Variants in PTGIS observed in about 807,000 individuals in gnomAD.
The protein encoded by PTGIS is prostaglandin I2 synthase, also known as prostacyclin synthase.
In PTGIS, 45 loss-of-function variants were observed where a neutral mutation model predicts 50.3. The ratio of observed to expected loss-of-function variants is 0.90; its 90% CI spans 0.70 to 1.15. The LOEUF is 1.15. PTGIS is among the 50% of genes most tolerant of loss of function. The pLI, the probability that PTGIS is intolerant of heterozygous loss-of-function variation, is 0.00. For missense variants in PTGIS, 668 were observed against 661.3 expected (o/e 1.01, Z -0.11); for synonymous variants, 260 against 267.7 (o/e 0.97, Z 0.28).
In PTGIS at chr20:49,513,066, C is replaced by T. The variant is rs756747105; in HGVS notation, c.1206+14G>A. 1.1e-5 allele frequency: 17 copies of T among 1,614,112 alleles called. No homozygotes were observed. In the South Asian group the frequency reaches 1.8e-4, roughly 17 times the overall value. On this transcript the variant is annotated intron_variant, in intron 8 of 9. Transcript: ENST00000244043. Reference sequence around the variant, plus strand: ...CCCACAGACCCCATATGACCAGGCGCCCCTGCCATTTACCTCTGGGTCTGT... The same window carrying T: ...CCCACAGACCCCATATGACCAGGCGTCCCTGCCATTTACCTCTGGGTCTGT...
At position 49,511,048 on chromosome 20, in the gene PTGIS, A is replaced by G. The variant is rs1304081728; in HGVS notation, c.1338T>C (p.Tyr446=). ...CTCACTGTTTGATGCTGTTGACCGC[A>G]TAACTCCTCCCCAGGCAGTGATTGT... ...AGHNHCLGRS[Y]AVNSIKQFVF... The change falls in exon 9 of 10, where the codon TAT becomes TAC. Residue 446 remains tyrosine (Y), a synonymous_variant. Coordinates refer to ENST00000244043, the MANE Select transcript of PTGIS (RefSeq NM_000961.4). 5 of 1,613,702 alleles carry G rather than the reference A, an allele frequency of 3.1e-6. No individual in the cohort carries two copies. The highest frequency in any genetic ancestry group is 8.5e-7 in the Non-Finnish European group (1 of 1,180,010).
At chr20:49,548,391 G>A (rs961387356) in intron 2 of PTGIS, among the ~76,000 whole-genome samples, 1 of 152,194 alleles carries the variant, frequency 6.6e-6, no homozygotes, top group Non-Finnish European at 1.5e-5. Flanking sequence ...CAGTAGCCAG[G>A]AGAGAAGGCG....
intron 5 of PTGIS, among the ~76,000 whole-genome samples, chr20:49,534,947 A>G (rs931807942): frequency 3.9e-5 from 6 of 152,280 alleles, no homozygotes; most frequent in African/African-American, 1.4e-4. Flanking sequence ...TCAAGATTGC[A>G]GTGAGCCGAG....
intron 5 of PTGIS, among the ~76,000 whole-genome samples, chr20:49,527,585 G>A (rs1290839398): frequency 1.3e-5 from 2 of 152,094 alleles, no homozygotes; most frequent in Non-Finnish European, 2.9e-5. Context: ...AAGATATGTC[G>A]GGCTGGGAGG....
chr20:49,548,078 A>G, intron 2 of PTGIS, 59 bp from the exon 3 acceptor site: 1 of 1,527,340 alleles, frequency 6.5e-7, no homozygotes, highest in Non-Finnish European at 9.0e-7. Context: ...AGCCGCTCTC[A>G]GTGGTCAGGG....
chr20:49,539,744 CA>C lies in PTGIS; in HGVS notation c.522-24del, dbSNP rs745973525. 4 of 1,604,126 alleles carry C rather than the reference CA, an allele frequency of 2.5e-6. No individual in the cohort carries two copies. The Admixed American group carries it at 5.0e-5, about 20-fold the overall frequency. On this transcript the variant is annotated intron_variant, in intron 4 of 9. Transcript: ENST00000244043. Reference sequence around the variant, plus strand: ...GCTCTGGGGGCGGCAGACAGAGGGTCAGGGGTCCTCCTGGGACACTCATGTG... The same window carrying C: ...GCTCTGGGGGCGGCAGACAGAGGGTCGGGGTCCTCCTGGGACACTCATGTG...
At chr20:49,568,022 C>G (rs1248974130) in intron 1 of PTGIS, 21 bp downstream of exon 1, 1 of 1,472,590 alleles carries the variant, frequency 6.8e-7, no homozygotes, top group Admixed American at 2.3e-5. Flanking sequence ...CTGGCGGGGC[C>G]GAGCGGAGCA....
At chr20:49,550,563 C>T (rs552301054) in intron 1 of PTGIS, among the ~76,000 whole-genome samples, 1 of 152,288 alleles carries the variant, frequency 6.6e-6, no homozygotes, top group East Asian at 1.9e-4. Flanking sequence ...TACAAATTGG[C>T]GACCATGAAG....
intron 5 of PTGIS, among the ~76,000 whole-genome samples, chr20:49,536,478 CTTTTTTTTTTT>C (rs761478359): frequency 3.7e-5 from 4 of 108,662 alleles, no homozygotes; most frequent in African/African-American, 1.7e-4. Flanking sequence ...TTCTTTCTTT[CTTTTTTTTTTT>C]TTTTTTTTTG....
At chr20:49,567,654 G>A (rs1409657180) in intron 1 of PTGIS, among the ~76,000 whole-genome samples, 2 of 152,214 alleles carry the variant, frequency 1.3e-5, no homozygotes, top group Non-Finnish European at 2.9e-5. Context: ...GGAGAGTGGA[G>A]AGCGCTTCTT....
In PTGIS at chr20:49,564,058, TA is replaced by T. The variant is rs200262676; in HGVS notation, c.74+3984del. Among the ~76,000 whole-genome samples, 1,202 of 152,352 alleles carry T rather than the reference TA, an allele frequency of 7.9e-3. 23 individuals carry two copies. Among genetic ancestry groups the T allele is most frequent in the African/African-American group, 0.028 (1,148 of 41,582 alleles). ...TCAAGGGGCCCACAAGCCATACTCC[TA>T]ACTCTCAGCTCACCACCCTCATGTT... is the stretch of plus-strand genomic sequence containing the variant. On this transcript the variant is annotated intron_variant, in intron 1 of 9. Coordinates refer to ENST00000244043, the MANE Select transcript of PTGIS (RefSeq NM_000961.4).
At chr20:49,565,025 C>A (rs1008323895) in intron 1 of PTGIS, among the ~76,000 whole-genome samples, 2 of 148,478 alleles carry the variant, frequency 1.3e-5, no homozygotes, top group Non-Finnish European at 3.0e-5. Context: ...GGCTGGAGTG[C>A]AGTGGCAGGA....
At chr20:49,564,075 C>T (rs902655084) in intron 1 of PTGIS, among the ~76,000 whole-genome samples, 5 of 152,210 alleles carry the variant, frequency 3.3e-5, no homozygotes, top group Admixed American at 6.5e-5. Flanking sequence ...CAGCTCACCA[C>T]CCTCATGTTC....
At position 49,507,718 on chromosome 20, in the gene PTGIS, T is replaced by C; in HGVS notation, c.*202A>G. 2.8e-6 allele frequency: 2 copies of C among 707,094 alleles called. No individual in the cohort carries two copies. Among genetic ancestry groups the C allele is most frequent in the Non-Finnish European group, 4.7e-6 (2 of 425,040 alleles). 43.8% of individuals were successfully genotyped at this position (707,094 alleles called of 1,614,324 possible). A position where few individuals can be genotyped will look rare whatever the true frequency, so the allele number is the denominator to read the frequency against. On this transcript the variant is annotated 3_prime_UTR_variant, in exon 10 of 10. Transcript: ENST00000244043. ...GGAAAGAAAACTTTGCAGTGGATAA[T>C]CCATAGAGCTTTCAATGTCTTTTCT...
chr20:49,533,818 G>A (rs1012802003), intron 5 of PTGIS, among the ~76,000 whole-genome samples: 31 of 152,166 alleles, frequency 2.0e-4, no homozygotes, highest in Admixed American at 3.9e-4. Flanking sequence ...CACATTATCC[G>A]GGGGTGGTGG....
intron 6 of PTGIS, among the ~76,000 whole-genome samples, chr20:49,522,133 C>T (rs906763666): frequency 3.9e-5 from 6 of 151,962 alleles, no homozygotes; most frequent in Non-Finnish European, 5.9e-5. Context: ...CGGTCTCACG[C>T]CCCCTCCCTC....
Position 49,511,069 on chromosome 20 carries a change from A to G in PTGIS, c.1317T>C (p.Asn439=), listed in dbSNP as rs763094082. ...CCGCATAACTCCTCCCCAGGCAGTG[A>G]TTGTGCCCCGCCCCCCAGGGCATGT... is the stretch of plus-strand genomic sequence containing the variant. ...NYNMPWGAGH[N]HCLGRSYAVN... is the part of the protein sequence containing the mutation. The change falls in exon 9 of 10, where the codon AAT becomes AAC. Residue 439 remains asparagine (N), a synonymous_variant. Coordinates refer to ENST00000244043, the MANE Select transcript of PTGIS (RefSeq NM_000961.4). The G allele has an allele frequency of 1.9e-6, 3 of 1,614,010 alleles. No individual in the cohort carries two copies. The highest frequency in any genetic ancestry group is 1.7e-5 in the Admixed American group (1 of 60,022).
chr20:49,562,744 C>T (rs1014115466), intron 1 of PTGIS, among the ~76,000 whole-genome samples: 9 of 152,228 alleles, frequency 5.9e-5, no homozygotes, highest in South Asian at 2.1e-4. Context: ...CCTCTAAAAA[C>T]GGCCTATTCC....
chr20:49,544,267 C>T (rs757316261), intron 4 of PTGIS, 38 bp downstream of exon 4: 40 of 1,612,146 alleles, frequency 2.5e-5, no homozygotes, highest in South Asian at 1.1e-4. Context: ...GTCAAAGTGC[C>T]GGGCCCCAGC....
Sources: gnomAD v4.1 joint callset for allele counts (sites outside exome capture counted in the v4.1 genomes callset) on GRCh38, gnomAD v4.1.1 for gene constraint, MANE v1.5 for transcripts, NCBI Gene and HGNC (gene_info 2026-07-23, HGNC 2026-07-21) for gene names.